Variants in MGAM2 observed in about 807,000 individuals in gnomAD.
MGAM2 encodes probable maltase-glucoamylase 2.
A neutral mutation model predicts 96.1 loss-of-function variants in MGAM2; 98 were observed. The ratio of observed to expected loss-of-function variants is 1.02; its 90% CI spans 0.87 to 1.21. The LOEUF is 1.21. Among genes scored for constraint, MGAM2 ranks in the 50% most tolerant of loss-of-function variants. The pLI is 0.00. For missense variants in MGAM2, 2,055 were observed against 1,182.4 expected, an observed-to-expected ratio of 1.74 and a Z score of -10.82; for synonymous variants, 749 against 414.8, an observed-to-expected ratio of 1.81 and a Z score of -9.79.
intron 19 of MGAM2, 126 bp from the exon 20 acceptor site, chr7:142,159,161 T>C: frequency 1.6e-6 from 1 of 615,234 alleles, no homozygotes; most frequent in South Asian, 1.8e-5. Flanking sequence ...TTTTCCTTTG[T>C]AGAATGGGAT....
At chr7:142,190,267 CTTTTTTT>C (rs58228482) in intron 37 of MGAM2, among the ~76,000 whole-genome samples, 2,787 of 104,264 alleles carry the variant, frequency 0.027, 93 homozygotes, top group East Asian at 0.21. Flanking sequence ...TACCATTTTA[CTTTTTTT>C]TTTTTTTTTT....
At chr7:142,118,629 T>C (rs1794454849) in intron 2 of MGAM2, among the ~76,000 whole-genome samples, 1 of 152,190 alleles carries the variant, frequency 6.6e-6, no homozygotes, top group African/African-American at 2.4e-5. Flanking sequence ...TAGCCAATGT[T>C]GAGTGAAGAT....
chr7:142,201,071 C>CTTT (rs72092512), intron 45 of MGAM2, among the ~76,000 whole-genome samples: 12,369 of 82,610 alleles, frequency 0.15, 2,778 homozygotes, highest in East Asian at 0.25. Flanking sequence ...CATCCTTTTT[C>CTTT]TTTTTTTTTT....
At chr7:142,156,300 T>C (rs749506056) in intron 17 of MGAM2, among the ~76,000 whole-genome samples, 14 of 152,258 alleles carry the variant, frequency 9.2e-5, no homozygotes, top group South Asian at 2.1e-4. Flanking sequence ...ATATTATTAA[T>C]GAGCTATTTT....
intron 45 of MGAM2, among the ~76,000 whole-genome samples, chr7:142,203,881 C>G (rs1317689670): frequency 6.6e-6 from 1 of 152,104 alleles, no homozygotes; most frequent in African/African-American, 2.4e-5. Flanking sequence ...AGACCTCAAA[C>G]TATAAAAATC....
At position 142,116,935 on chromosome 7, in the gene MGAM2, C is replaced by A. The variant is rs1817423881; in HGVS notation, c.62C>A (p.Thr21Asn). 4.3e-6 allele frequency: 3 copies of A among 703,196 alleles called. No individual in the cohort carries two copies. The highest frequency in any genetic ancestry group is 7.8e-6 in the Non-Finnish European group (3 of 385,038). 43.6% of individuals were successfully genotyped at this position (703,196 alleles called of 1,614,324 possible). A position where few individuals can be genotyped will look rare whatever the true frequency, so the allele number is the denominator to read the frequency against. ...LLIIFCLIVV[T>N]IDILLLLLVL... The stretch of plus-strand genomic sequence containing the variant: ...ATCATCTTCTGCTTAATTGTGGTGA[C>A]CATAGATATCCTCTTGCTGCTTCTT... Residue 21 changes from threonine (T) to asparagine (N), a missense_variant, in exon 2 of 48, where the codon ACC (threonine) becomes AAC (asparagine). Coordinates refer to ENST00000477922, the MANE Select transcript of MGAM2 (RefSeq NM_001293626.2).
chr7:142,218,378 G>T lies in MGAM2; in HGVS notation c.5205G>T (p.Gln1735His). Residue 1735 changes from glutamine (Q) to histidine (H), a missense_variant, in exon 47 of 48, where the codon CAG becomes CAT. Gln to His is a conservative substitution (Grantham distance 24). Coordinates refer to ENST00000477922, the MANE Select transcript of MGAM2 (RefSeq NM_001293626.2). ...FIAAQNILQI[Q>H]TIHNKYLSDS... is the part of the protein sequence containing the mutation. Reference sequence around the variant, plus strand: ...CTTTATAGAACATCCTGCAAATCCAGACCATACACAATAAGTATTTGAGTG... The same window carrying T: ...CTTTATAGAACATCCTGCAAATCCATACCATACACAATAAGTATTTGAGTG... 1.4e-6 allele frequency: 1 copy of T among 694,264 alleles called. No individual in the cohort carries two copies. Among genetic ancestry groups the T allele is most frequent in the Admixed American group, 2.1e-5 (1 of 48,640 alleles). 43.0% of individuals were successfully genotyped at this position (694,264 alleles called of 1,614,324 possible).
intron 37 of MGAM2, among the ~76,000 whole-genome samples, chr7:142,194,862 G>T (rs992660754): frequency 1.3e-5 from 2 of 152,114 alleles, no homozygotes; most frequent in Non-Finnish European, 2.9e-5. Context: ...CTATTGATCT[G>T]TGATGCTTTT....
At position 142,131,545 on chromosome 7, in the gene MGAM2, C is replaced by T. The variant is rs1466027153; in HGVS notation, c.338C>T (p.Pro113Leu). 1 of 702,966 alleles carries T rather than the reference C, an allele frequency of 1.4e-6. No homozygotes were observed. Among genetic ancestry groups the T allele is most frequent in the South Asian group, 1.5e-5 (1 of 67,600 alleles). 43.5% of individuals were successfully genotyped at this position (702,966 alleles called of 1,614,324 possible). Reference sequence around the variant, plus strand: ...TTTACTGCCCAGTTGAAAAGGTTGCCATCACCATCTCTGTTTGGAAATGAT... The same window carrying T: ...TTTACTGCCCAGTTGAAAAGGTTGCTATCACCATCTCTGTTTGGAAATGAT... Reference protein sequence around the residue: ...TGFTAQLKRLPSPSLFGNDVA... With the variant: ...TGFTAQLKRLLSPSLFGNDVA... The change falls in exon 5 of 48, where the codon CCA becomes CTA. Residue 113 changes from proline (P) to leucine (L), a missense_variant. By Grantham distance (98) the Pro-to-Leu change is moderately conservative (BLOSUM62 -3). Coordinates refer to ENST00000477922, the MANE Select transcript of MGAM2 (RefSeq NM_001293626.2).
At position 142,169,576 on chromosome 7, in the gene MGAM2, T is replaced by C. The variant is rs551830864; in HGVS notation, c.3028-499T>C. 2.6e-5 allele frequency among the ~76,000 whole-genome samples: 4 copies of C among 152,298 alleles called. No homozygotes were observed. The South Asian group carries it at 8.3e-4, about 32-fold the overall frequency. On this transcript the variant is annotated intron_variant, in intron 26 of 47. Transcript: ENST00000477922. ...TTTTATTCTTCCCACACTTCAGTCCTGTTACATAAGTAGGAACAAGGGGTG... is the reference window on the plus strand; with the variant it reads ...TTTTATTCTTCCCACACTTCAGTCCCGTTACATAAGTAGGAACAAGGGGTG...
At chr7:142,194,692 G>GTGTC (rs1376894282) in intron 37 of MGAM2, among the ~76,000 whole-genome samples, 2 of 129,754 alleles carry the variant, frequency 1.5e-5, no homozygotes, top group African/African-American at 5.8e-5. Context: ...TAGAACATGT[G>GTGTC]TGTATGTGTG....
chr7:142,172,031 G>C (rs1796211532), intron 28 of MGAM2, 67 bp from the exon 29 acceptor site: 2 of 605,036 alleles, frequency 3.3e-6, no homozygotes, highest in East Asian at 2.9e-5. Context: ...AGAGTTTGCT[G>C]TTTGGGTTAT....
chr7:142,129,825 CAAAAAAAAAAAAAAAAAAA>C lies in MGAM2; in HGVS notation c.187-1101_187-1083del, dbSNP rs71166564. On this transcript the variant is annotated intron_variant, in intron 3 of 47. Transcript: ENST00000477922. The stretch of plus-strand genomic sequence containing the variant: ...GGGCAACAAGAACAAAACTCTGTCT[CAAAAAAAAAAAAAAAAAAA>C]AAAAAAAAAAAAAAAAAAAAAGAAA... Among the ~76,000 whole-genome samples, 242 of 33,414 alleles carry C rather than the reference CAAAAAAAAAAAAAAAAAAA, an allele frequency of 7.2e-3. 1 individual carries two copies. The highest frequency in any genetic ancestry group is 9.3e-3 in the Non-Finnish European group (178 of 19,094). 21.9% of individuals were successfully genotyped at this position (33,414 alleles called of 152,430 possible).
chr7:142,119,821 A>T (rs1437210481), intron 2 of MGAM2, among the ~76,000 whole-genome samples: 2 of 152,206 alleles, frequency 1.3e-5, no homozygotes, highest in Non-Finnish European at 2.9e-5. Context: ...ACATTTTATG[A>T]TTCTTTTTAT....
intron 37 of MGAM2, among the ~76,000 whole-genome samples, chr7:142,195,419 G>A (rs1271293174): frequency 7.7e-6 from 1 of 129,098 alleles, no homozygotes; most frequent in African/African-American, 2.9e-5. Flanking sequence ...GCAGTGGCAC[G>A]ATCTCAGCTC....
chr7:142,149,590 G>T (rs1180753841), intron 15 of MGAM2, among the ~76,000 whole-genome samples: 1 of 152,038 alleles, frequency 6.6e-6, no homozygotes, highest in Non-Finnish European at 1.5e-5. Context: ...GCCCAGGCTG[G>T]AGTGCAGTGG....
chr7:142,159,774 A>C (rs1459543394), intron 20 of MGAM2, among the ~76,000 whole-genome samples: 1 of 152,330 alleles, frequency 6.6e-6, no homozygotes, highest in East Asian at 1.9e-4. Flanking sequence ...CCATAGCAGA[A>C]GGCCTTTCCA....
At chr7:142,136,113 A>G (rs1338069295) in intron 7 of MGAM2, among the ~76,000 whole-genome samples, 1 of 152,290 alleles carries the variant, frequency 6.6e-6, no homozygotes, top group East Asian at 1.9e-4. Flanking sequence ...ACATCACCGC[A>G]ATAGGATCCC....
Position 142,131,619 on chromosome 7 carries a change from C to T in MGAM2, c.412C>T (p.His138Tyr). Residue 138 changes from histidine to tyrosine, a missense_variant, in exon 5 of 48, where the codon CAT becomes TAT. Coordinates refer to ENST00000477922, the MANE Select transcript of MGAM2 (RefSeq NM_001293626.2). ...TAEYQTSNRFHFKITDFNNIR... is the reference protein window; with the variant it reads ...TAEYQTSNRFYFKITDFNNIR... ...TGAATATCAGACATCCAATCGGTTT[C>T]ATTTTAAGGTTGGTTTGGGAGTGAC... 1 of 703,130 alleles carries T rather than the reference C, an allele frequency of 1.4e-6. No individual in the cohort carries two copies. The highest frequency in any genetic ancestry group is 2.6e-6 in the Non-Finnish European group (1 of 385,002). 43.6% of individuals were successfully genotyped at this position (703,130 alleles called of 1,614,324 possible). A position where few individuals can be genotyped will look rare whatever the true frequency, so the allele number is the denominator to read the frequency against.
Sources: gnomAD v4.1 joint callset for allele counts (sites outside exome capture counted in the v4.1 genomes callset) on GRCh38, gnomAD v4.1.1 for gene constraint, MANE v1.5 for transcripts, NCBI Gene and HGNC (gene_info 2026-07-23, HGNC 2026-07-21) for gene names.